The following PCDHGB5 variants were observed in gnomAD, a reference collection of about 807,000 sequenced individuals.
PCDHGB5 encodes protocadherin gamma-B5.
A neutral mutation model predicts 62.9 loss-of-function variants in PCDHGB5; 48 were observed. The ratio of observed to expected loss-of-function variants is 0.76; its 90% CI spans 0.61 to 0.97. The LOEUF is 0.97. PCDHGB5 is among the 50% of genes least tolerant of loss of function. The probability of loss-of-function intolerance (pLI) is 0.00; values close to 1 mark genes in which losing one functional copy is unlikely to be tolerated. For missense variants in PCDHGB5, 1,118 were observed against 1,198.6 expected (o/e 0.93, Z 0.99); for synonymous variants, 474 against 511.2 (o/e 0.93, Z 0.98).
intron 1 of PCDHGB5, chr5:141,421,961 A>G: frequency 6.2e-7 from 1 of 1,612,542 alleles, no homozygotes; most frequent in Non-Finnish European, 8.5e-7. Context: ...ATGTTTACAC[A>G]GTCCGTATAT....
intron 1 of PCDHGB5, among the ~76,000 whole-genome samples, chr5:141,481,790 A>C (rs2154579313): frequency 6.6e-6 from 1 of 152,222 alleles, no homozygotes; most frequent in East Asian, 1.9e-4. Flanking sequence ...CGTCTCTACT[A>C]AAAATACAAA....
intron 2 of PCDHGB5, among the ~76,000 whole-genome samples, chr5:141,503,954 C>T (rs2099834393): frequency 6.6e-6 from 1 of 152,186 alleles, no homozygotes; most frequent in Non-Finnish European, 1.5e-5. Flanking sequence ...GCCTACCCTA[C>T]AGCCTTTCCC....
chr5:141,443,243 C>T (rs755331096), intron 1 of PCDHGB5, among the ~76,000 whole-genome samples: 9 of 151,618 alleles, frequency 5.9e-5, no homozygotes, highest in Non-Finnish European at 1.0e-4. Flanking sequence ...CACTTTGGGG[C>T]GCCAAGGCGG....
rs151293422 is a variant in PCDHGB5, at chr5:141,487,556, A to G, written c.2398-7251A>G. ...GATGGTGAAGTCACCCAGTGCACCT[A>G]TGGCAGGGGAGCCTGTTCGCCCAAG... On this transcript the variant is annotated intron_variant, in intron 1 of 3. Coordinates refer to ENST00000617380, the MANE Select transcript of PCDHGB5 (RefSeq NM_018925.3). This position sits in a 1 kb window ranked among gnomAD's most constrained non-coding sequence, Gnocchi z 5.0. 2,837 of 1,614,100 alleles carry G rather than the reference A, an allele frequency of 1.8e-3. 31 individuals are homozygous for G. The highest frequency in any genetic ancestry group is 1.2e-3 in the South Asian group (105 of 91,084).
At chr5:141,414,274 G>A (rs762803658) in intron 1 of PCDHGB5, 23 of 1,613,368 alleles carry the variant, frequency 1.4e-5, no homozygotes, top group Non-Finnish European at 1.9e-5. Flanking sequence ...TTCACCTCTG[G>A]GAACAGTCGT....
intron 1 of PCDHGB5, chr5:141,422,397 C>A (rs753017439): frequency 6.3e-6 from 10 of 1,597,488 alleles, no homozygotes; most frequent in African/African-American, 2.7e-5. Context: ...TTCCTAACCA[C>A]CTGCCTTTTA....
chr5:141,403,729 C>G (rs1409756180), intron 1 of PCDHGB5: 1 of 1,613,896 alleles, frequency 6.2e-7, no homozygotes, highest in Non-Finnish European at 8.5e-7. Context: ...CCCCAGGCAC[C>G]TGGCTGCTTA....
At chr5:141,400,777 T>G (rs2094073733) in intron 1 of PCDHGB5, 1 of 565,634 alleles carries the variant, frequency 1.8e-6, no homozygotes. Context: ...ATTTGGTGCG[T>G]TTTTTTGTCC....
chr5:141,485,358 G>T lies in PCDHGB5; in HGVS notation c.2398-9449G>T. 1.2e-6 allele frequency: 2 copies of T among 1,614,100 alleles called. No individual in the cohort carries two copies. Among genetic ancestry groups the T allele is most frequent in the Non-Finnish European group, 1.7e-6 (2 of 1,180,006 alleles). On this transcript the variant is annotated intron_variant, in intron 1 of 3. Coordinates refer to ENST00000617380, the MANE Select transcript of PCDHGB5 (RefSeq NM_018925.3). This position sits in a 1 kb window ranked among gnomAD's most constrained non-coding sequence, Gnocchi z 5.7. ...CTGGATACGGACAGTCTGTCAGCTC[G>T]CAGGCTGCAGGTCGCTGGAGAGGTG...
intron 1 of PCDHGB5, among the ~76,000 whole-genome samples, chr5:141,484,389 G>A (rs1336850919): frequency 6.6e-6 from 1 of 152,140 alleles, no homozygotes; most frequent in Non-Finnish European, 1.5e-5. Flanking sequence ...GAATAAGAAA[G>A]GTTTGGTTTC....
chr5:141,441,838 C>A, intron 1 of PCDHGB5: 1 of 355,582 alleles, frequency 2.8e-6, no homozygotes, highest in Non-Finnish European at 5.5e-6. Context: ...TGGCTTCGCG[C>A]TCTTGGATAT....
Position 141,400,144 on chromosome 5 carries a change from G to A in PCDHGB5, c.2017G>A (p.Asp673Asn). The A allele has an allele frequency of 6.2e-7, 1 of 1,614,068 alleles. No homozygotes were observed. Among genetic ancestry groups the A allele is most frequent in the Non-Finnish European group, 8.5e-7 (1 of 1,179,902 alleles). Residue 673 changes from aspartate (D) to asparagine (N), a missense_variant, in exon 1 of 4, where the codon GAC becomes AAC. Physicochemically the swap from Asp to Asn is conservative, Grantham distance 23. Transcript: ENST00000617380. Reference sequence around the variant, plus strand: ...GCAGGAGGTGCTGCCGGATATCACTGACCGCCCTGTACCCTCTGACCCCCA... The same window carrying A: ...GCAGGAGGTGCTGCCGGATATCACTAACCGCCCTGTACCCTCTGACCCCCA... ...SLQEVLPDIT[D>N]RPVPSDPQAE...
Position 141,485,844 on chromosome 5 carries a change from G to T in PCDHGB5, c.2398-8963G>T. On this transcript the variant is annotated intron_variant, in intron 1 of 3. Transcript: ENST00000617380. This position sits in a 1 kb window ranked among gnomAD's most constrained non-coding sequence, Gnocchi z 5.7. ...GATGGAGGGAACCCGCCGAGATCTG[G>T]CACCGCAGAGCTCCGGGTATCCGTG... The T allele has an allele frequency of 1.9e-6, 3 of 1,613,890 alleles. 1 individual carries two copies. The South Asian group carries it at 3.3e-5, about 18-fold the overall frequency.
intron 1 of PCDHGB5, among the ~76,000 whole-genome samples, chr5:141,488,661 G>T (rs573211567): frequency 6.6e-6 from 1 of 152,246 alleles, no homozygotes; most frequent in African/African-American, 2.4e-5. Context: ...GGAGGGTGGG[G>T]GAATACATGG....
At chr5:141,428,437 C>A in intron 1 of PCDHGB5, 1 of 400,386 alleles carries the variant, frequency 2.5e-6, no homozygotes, top group South Asian at 2.4e-5. Flanking sequence ...TAAGACTAGA[C>A]CAGGGGTTTT....
chr5:141,441,884 C>A (rs2098281796), intron 1 of PCDHGB5: 10 of 343,702 alleles, frequency 2.9e-5, no homozygotes, highest in South Asian at 2.6e-4. Context: ...TACCTGGTCA[C>A]CAAGGTGGTG....
intron 1 of PCDHGB5, chr5:141,417,860 A>G (rs1168739756): frequency 7.7e-6 from 12 of 1,549,390 alleles, no homozygotes; most frequent in African/African-American, 1.4e-5. Flanking sequence ...CGAGCGAACG[A>G]TGGGAGGGAG....
intron 1 of PCDHGB5, among the ~76,000 whole-genome samples, chr5:141,402,517 G>A (rs2094277430): frequency 6.6e-6 from 1 of 152,024 alleles, no homozygotes; most frequent in African/African-American, 2.4e-5. Context: ...ATTAAGCAAT[G>A]GTTTGTGATT....
In PCDHGB5 at chr5:141,400,097, A is replaced by G; in HGVS notation, c.1970A>G (p.His657Arg). The stretch of plus-strand genomic sequence containing the variant: ...CCACTCTCCGCCACCGCCACGCTGC[A>G]CTTGGTCTTTGCTGACAGCTTGCAG... ...QPPLSATATL[H>R]LVFADSLQEV... is the part of the protein sequence containing the mutation. The change falls in exon 1 of 4, where the codon CAC becomes CGC. Residue 657 changes from histidine to arginine, a missense_variant. Coordinates refer to ENST00000617380, the MANE Select transcript of PCDHGB5 (RefSeq NM_018925.3). The G allele has an allele frequency of 6.2e-7, 1 of 1,614,048 alleles. No individual in the cohort carries two copies. Among genetic ancestry groups the G allele is most frequent in the Non-Finnish European group, 8.5e-7 (1 of 1,179,884 alleles).
Sources: gnomAD v4.1 joint callset for allele counts (sites outside exome capture counted in the v4.1 genomes callset) on GRCh38, gnomAD v4.1.1 for gene constraint, Gnocchi (gnomAD v3.1) non-coding constraint, MANE v1.5 for transcripts, NCBI Gene and HGNC (gene_info 2026-07-23, HGNC 2026-07-21) for gene names.